Variants in CFH observed in about 807,000 individuals in gnomAD.
CFH encodes the protein complement factor H.
CFH carries 53 observed loss-of-function variants against 147.3 expected under a neutral mutation model. The observed-to-expected ratio is 0.36, with a 90% confidence interval of 0.29 to 0.45. The LOEUF is 0.45. Ranked by LOEUF, CFH falls within the 20% of genes least tolerant of loss-of-function variation. CFH has a pLI of 1.00. For synonymous variants in CFH, 536 were observed against 489.4 expected, an observed-to-expected ratio of 1.10 and a Z score of -1.26; for missense variants, 1,380 against 1,498.0, an observed-to-expected ratio of 0.92 and a Z score of 1.30.
At position 196,705,291 on chromosome 1, in the gene CFH, T is replaced by C. The variant is rs532222764; in HGVS notation, c.1337-8444T>C. 4.1e-4 allele frequency among the ~76,000 whole-genome samples: 62 copies of C among 152,330 alleles called. 1 individual carries two copies. Among genetic ancestry groups the C allele is most frequent in the Non-Finnish European group, 7.5e-4 (51 of 68,034 alleles). ...AATTATATATTTTAGGTTTGAATTT[T>C]CTCAGGAGCAGAGTAATCTGCTTTC... On this transcript the variant is annotated intron_variant, in intron 9 of 21. Coordinates refer to ENST00000367429, the MANE Select transcript of CFH (RefSeq NM_000186.4).
At position 196,732,641 on chromosome 1, in the gene CFH, C is replaced by G. The variant is rs1201707427; in HGVS notation, c.2413+4119C>G. The stretch of plus-strand genomic sequence containing the variant: ...GAAAGACCTCACTAATTTTTCCAGC[C>G]AGAGATTTTCATGTGCCTCTCAAGT... On this transcript the variant is annotated intron_variant, in intron 15 of 21. Coordinates refer to ENST00000367429, the MANE Select transcript of CFH (RefSeq NM_000186.4). 2.0e-5 allele frequency among the ~76,000 whole-genome samples: 3 copies of G among 152,102 alleles called. No individual in the cohort carries two copies. The East Asian group carries it at 5.8e-4, about 29-fold the overall frequency.
At chr1:196,695,439 G>T (rs767243381) in intron 9 of CFH, among the ~76,000 whole-genome samples, 1 of 152,052 alleles carries the variant, frequency 6.6e-6, no homozygotes, top group Non-Finnish European at 1.5e-5. Context: ...ATCAGGTAGC[G>T]TGATGCATCA....
intron 1 of CFH, among the ~76,000 whole-genome samples, chr1:196,659,554 C>G (rs1666834246): frequency 6.6e-6 from 1 of 152,180 alleles, no homozygotes; most frequent in Non-Finnish European, 1.5e-5. Flanking sequence ...AGCTCAGAGG[C>G]AGTTCTGCAC....
At chr1:196,689,398 T>C in intron 7 of CFH, 22 bp from the exon 8 acceptor site, 1 of 1,603,662 alleles carries the variant, frequency 6.2e-7, no homozygotes, top group Non-Finnish European at 8.5e-7. Flanking sequence ...CTTTATACTT[T>C]TTTTAAAATT....
chr1:196,703,959 T>TG lies in CFH; in HGVS notation c.1337-9771dup, dbSNP rs1228971837. On this transcript the variant is annotated intron_variant, in intron 9 of 21. Coordinates refer to ENST00000367429, the MANE Select transcript of CFH (RefSeq NM_000186.4). ...AAGATCATGCCACTGCACTCCAGCC[T>TG]GGGGGACAGAGCAAGACTCTGTCAA... 3.0e-5 allele frequency among the ~76,000 whole-genome samples: 3 copies of TG among 98,908 alleles called. No individual in the cohort carries two copies. In the East Asian group the frequency reaches 1.1e-3, roughly 37 times the overall value. 64.9% of individuals were successfully genotyped at this position (98,908 alleles called of 152,430 possible). A position where few individuals can be genotyped will look rare whatever the true frequency, so the allele number is the denominator to read the frequency against.
intron 4 of CFH, chr1:196,677,237 T>C: frequency 2.3e-6 from 1 of 431,236 alleles, no homozygotes; most frequent in Non-Finnish European, 4.2e-6. Context: ...AAATACAAGC[T>C]AGCATTGAAA....
chr1:196,661,436 C>A (rs1327780705), intron 1 of CFH, among the ~76,000 whole-genome samples: 1 of 152,148 alleles, frequency 6.6e-6, no homozygotes, highest in East Asian at 1.9e-4. Context: ...TCTTACACTT[C>A]TGAATGCTAG....
chr1:196,734,717 T>G (rs982980825), intron 15 of CFH, among the ~76,000 whole-genome samples: 1 of 152,032 alleles, frequency 6.6e-6, no homozygotes, highest in Non-Finnish European at 1.5e-5. Context: ...CACTGCCCTC[T>G]TTCATCCTCA....
rs76405615 is a variant in CFH at position 196,725,132 on chromosome 1, G to A, written c.1708G>A (p.Glu570Lys). 15 of 1,612,990 alleles carry A rather than the reference G, an allele frequency of 9.3e-6. No individual in the cohort carries two copies. Among genetic ancestry groups the A allele is most frequent in the South Asian group, 3.3e-5 (3 of 90,968 alleles). ...TTACCTTTTTCAAGAAAGAGAATGC[G>A]AACTTCCTAAAATAGATGTACACTT... The part of the protein sequence containing the change: ...DLPICYEREC[E>K]LPKIDVHLVP... Residue 570 changes from glutamate (E) to lysine (K), a missense_variant, in exon 12 of 22, where the codon GAA (glutamate) becomes AAA (lysine). By Grantham distance (56) the Glu-to-Lys change is moderately conservative. Coordinates refer to ENST00000367429, the MANE Select transcript of CFH (RefSeq NM_000186.4).
chr1:196,714,912 G>A (rs577915576), intron 10 of CFH, among the ~76,000 whole-genome samples: 62 of 151,110 alleles, frequency 4.1e-4, no homozygotes, highest in African/African-American at 1.5e-3. Flanking sequence ...TGTTAGCCAG[G>A]CTGGTCTCGA....
intron 5 of CFH, chr1:196,678,638 A>T (rs957016907): frequency 8.6e-5 from 13 of 151,542 alleles, no homozygotes; most frequent in African/African-American, 2.9e-4. Context: ...ACATCCTTAC[A>T]ACTAGATTCC....
intron 17 of CFH, among the ~76,000 whole-genome samples, chr1:196,738,414 A>C (rs1305338204): frequency 9.9e-5 from 15 of 152,222 alleles, no homozygotes; most frequent in Admixed American, 9.8e-4. Flanking sequence ...CTCTCTGCTT[A>C]TGAGCCTGTA....
intron 9 of CFH, chr1:196,700,831 T>C (rs969366186): frequency 1.0e-6 from 1 of 985,262 alleles, no homozygotes; most frequent in Non-Finnish European, 1.2e-6. Context: ...GGCAGGGCAG[T>C]GCTGACTTTC....
chr1:196,710,175 T>C (rs192039817), intron 9 of CFH, among the ~76,000 whole-genome samples: 178 of 152,188 alleles, frequency 1.2e-3, no homozygotes, highest in African/African-American at 4.2e-3. Flanking sequence ...AACCCAAATT[T>C]TCTAGCCCGT....
chr1:196,660,952 G>A (rs1034878620), intron 1 of CFH, among the ~76,000 whole-genome samples: 1 of 152,114 alleles, frequency 6.6e-6, no homozygotes, highest in African/African-American at 2.4e-5. Flanking sequence ...CTTTTTTTGT[G>A]TTAATGGATT....
At chr1:196,653,607 A>G (rs1345355630) in intron 1 of CFH, among the ~76,000 whole-genome samples, 1 of 152,028 alleles carries the variant, frequency 6.6e-6, no homozygotes, top group Non-Finnish European at 1.5e-5. Context: ...CAAGTTTAAT[A>G]AACAGTTTAA....
chr1:196,672,914 A>C (rs1667330817), intron 1 of CFH, 64 bp from the exon 2 acceptor site: 4 of 1,378,506 alleles, frequency 2.9e-6, no homozygotes, highest in Non-Finnish European at 4.1e-6. Context: ...AGCAACAATT[A>C]CCTAAATATA....
intron 9 of CFH, among the ~76,000 whole-genome samples, chr1:196,691,214 T>G (rs1336535200): frequency 6.6e-6 from 1 of 152,120 alleles, no homozygotes; most frequent in Non-Finnish European, 1.5e-5. Context: ...AATTATAGTT[T>G]AAAATAGAAA....
chr1:196,692,212 C>A (rs1668050774), intron 9 of CFH, among the ~76,000 whole-genome samples: 2 of 152,248 alleles, frequency 1.3e-5, no homozygotes, highest in South Asian at 4.1e-4. Context: ...TCGCTGCAAC[C>A]TCCACTCCCT....
Sources: allele counts gnomAD v4.1 joint callset (sites outside exome capture counted in the v4.1 genomes callset), GRCh38; gene constraint gnomAD v4.1.1; transcripts MANE v1.5; gene names NCBI Gene and HGNC (gene_info 2026-07-23, HGNC 2026-07-21).